The following EFCAB13 variants were observed in gnomAD, a reference collection of about 807,000 sequenced individuals.
The protein encoded by EFCAB13 is EF-hand calcium binding domain 13.
EFCAB13 carries 91 observed loss-of-function variants against 110.2 expected under a neutral mutation model. The ratio of observed to expected loss-of-function variants is 0.83; its 90% confidence interval spans 0.70 to 0.98. The LOEUF (loss-of-function observed/expected upper bound fraction) is 0.98, where lower values mean the gene tolerates loss of function less well. Ranked by LOEUF, EFCAB13 falls within the 50% of genes least tolerant of loss-of-function variation. The pLI, the probability that EFCAB13 is intolerant of heterozygous loss-of-function variation, is 0.00. For missense variants in EFCAB13, 968 were observed against 1,119.4 expected (o/e 0.86, Z 1.93); for synonymous variants, 323 against 369.9 (o/e 0.87, Z 1.45).
chr17:47,372,605 T>C (rs1197762067), intron 11 of EFCAB13, among the ~76,000 whole-genome samples: 4 of 152,172 alleles, frequency 2.6e-5, no homozygotes, highest in Non-Finnish European at 4.4e-5. Context: ...TGAAGAACAC[T>C]TTTTGAAATT....
At chr17:47,378,218 A>G (rs2065627118) in intron 13 of EFCAB13, among the ~76,000 whole-genome samples, 1 of 152,116 alleles carries the variant, frequency 6.6e-6, no homozygotes, top group African/African-American at 2.4e-5. Context: ...TCAGATGGCA[A>G]GACCACAATA....
intron 2 of EFCAB13, among the ~76,000 whole-genome samples, chr17:47,325,948 A>G (rs1238001339): frequency 2.3e-5 from 2 of 87,768 alleles, no homozygotes; most frequent in Non-Finnish European, 4.8e-5. Context: ...ATATATATAT[A>G]TATATATATA....
chr17:47,355,570 A>ATTTTTT (rs71365066), intron 9 of EFCAB13, among the ~76,000 whole-genome samples: 2 of 120,346 alleles, frequency 1.7e-5, no homozygotes, highest in African/African-American at 3.2e-5. Flanking sequence ...GGCTTTGTTC[A>ATTTTTT]TTTTTTTTTT....
At chr17:47,380,179 C>G (rs900704612) in intron 14 of EFCAB13, among the ~76,000 whole-genome samples, 1 of 152,142 alleles carries the variant, frequency 6.6e-6, no homozygotes. Context: ...TTGCTGCACC[C>G]TTCAACCCAT....
rs116287092 is a variant in EFCAB13, at chr17:47,332,077, A to G, written c.31-3119A>G. Among the ~76,000 whole-genome samples the G allele has an allele frequency of 5.4e-3, 824 of 152,220 alleles. 6 individuals are homozygous for G. Among genetic ancestry groups the G allele is most frequent in the African/African-American group, 0.019 (792 of 41,544 alleles). ...AATAAAGTTTCAACTTGTTAGAGTA[A>G]ATACTAACAAGTGCAATAGTTGGAT... On this transcript the variant is annotated intron_variant, in intron 4 of 24. Coordinates refer to ENST00000331493, the MANE Select transcript of EFCAB13 (RefSeq NM_152347.5).
intron 21 of EFCAB13, among the ~76,000 whole-genome samples, chr17:47,410,721 A>G (rs1335926662): frequency 3.3e-5 from 5 of 152,216 alleles, no homozygotes; most frequent in Non-Finnish European, 5.9e-5. Context: ...AGAGGGAGAA[A>G]TGAGTGAGAA....
intron 11 of EFCAB13, 150 bp from the exon 12 acceptor site, chr17:47,374,322 C>A: frequency 1.8e-6 from 1 of 556,006 alleles, no homozygotes; most frequent in Non-Finnish European, 2.9e-6. Flanking sequence ...AATCTTTTGA[C>A]TGTCAGTTCT....
chr17:47,396,829 TAGA>T (rs1391151104), intron 17 of EFCAB13, among the ~76,000 whole-genome samples: 1 of 152,160 alleles, frequency 6.6e-6, no homozygotes, highest in Non-Finnish European at 1.5e-5. Context: ...TGATGAAAAA[TAGA>T]AGGCTAATTT....
intron 21 of EFCAB13, among the ~76,000 whole-genome samples, chr17:47,412,254 G>A (rs2065840066): frequency 2.0e-5 from 3 of 152,272 alleles, no homozygotes; most frequent in African/African-American, 7.2e-5. Context: ...AGTGGAGGCT[G>A]AAATGCAGTT....
intron 22 of EFCAB13, among the ~76,000 whole-genome samples, chr17:47,414,199 T>C (rs1053500659): frequency 6.6e-6 from 1 of 152,124 alleles, no homozygotes; most frequent in African/African-American, 2.4e-5. Context: ...GATTGTCTGC[T>C]GTGTCACATT....
Position 47,426,266 on chromosome 17 carries a change from G to A in EFCAB13, c.2495-3552G>A, listed in dbSNP as rs185954849. 4.7e-4 allele frequency among the ~76,000 whole-genome samples: 71 copies of A among 152,276 alleles called. 1 individual carries two copies. The East Asian group carries it at 0.013, about 28-fold the overall frequency. On this transcript the variant is annotated intron_variant, in intron 23 of 24. Transcript: ENST00000331493. Reference sequence around the variant, plus strand: ...TTCAAAAATTATATCTTTAAGTACTGCTACTTGAATAACTCAGTTAAGGCT... The same window carrying A: ...TTCAAAAATTATATCTTTAAGTACTACTACTTGAATAACTCAGTTAAGGCT...
chr17:47,369,697 G>C (rs942814072), intron 10 of EFCAB13: 2 of 152,202 alleles, frequency 1.3e-5, no homozygotes, highest in Admixed American at 1.3e-4. Context: ...TTATAGATAA[G>C]TAAATTTTCA....
intron 9 of EFCAB13, among the ~76,000 whole-genome samples, chr17:47,360,966 C>G (rs2065509367): frequency 6.6e-6 from 1 of 152,006 alleles, no homozygotes; most frequent in South Asian, 2.1e-4. Context: ...TGATGTGACT[C>G]TAAATATTTT....
At chr17:47,365,565 A>G (rs896765101) in intron 10 of EFCAB13, among the ~76,000 whole-genome samples, 1 of 152,202 alleles carries the variant, frequency 6.6e-6, no homozygotes, top group African/African-American at 2.4e-5. Context: ...CCTAAGAGTG[A>G]GTGAGGATAG....
chr17:47,328,919 TG>T (rs1370791610), intron 4 of EFCAB13: 1 of 152,178 alleles, frequency 6.6e-6, no homozygotes, highest in Non-Finnish European at 1.5e-5. Context: ...AAGGGACTAT[TG>T]AAATTGGAAG....
At chr17:47,357,111 C>T (rs926289746) in intron 9 of EFCAB13, among the ~76,000 whole-genome samples, 5 of 152,128 alleles carry the variant, frequency 3.3e-5, no homozygotes, top group Admixed American at 2.6e-4. Flanking sequence ...AGTTTATTTC[C>T]AGGCAGGCGG....
chr17:47,355,469 T>C (rs1804154627), intron 9 of EFCAB13, among the ~76,000 whole-genome samples: 3 of 152,222 alleles, frequency 2.0e-5, no homozygotes, highest in African/African-American at 7.2e-5. Context: ...CCCTCAAATA[T>C]GTTTTAACAA....
At chr17:47,376,610 T>G (rs1026425921) in intron 12 of EFCAB13, among the ~76,000 whole-genome samples, 2 of 152,194 alleles carry the variant, frequency 1.3e-5, no homozygotes, top group Admixed American at 6.5e-5. Flanking sequence ...TTCACATTCT[T>G]AAGAGTCACA....
rs1314304322 is a variant in EFCAB13, at chr17:47,440,528, T to C, written c.2736T>C (p.Tyr912=). The C allele has an allele frequency of 6.2e-7, 1 of 1,613,070 alleles. No individual in the cohort carries two copies. The highest frequency in any genetic ancestry group is 1.3e-5 in the African/African-American group (1 of 74,910). ...GTAAGTTTTATTTAATATGTACTTA[T>C]TGCCCAGATCTAGAAAGGCAAGCAG... ...AAGKFYLICT[Y]CPDLERQAVV... Residue 912 remains tyrosine, a synonymous_variant, in exon 25 of 25, where the codon TAT becomes TAC. Transcript: ENST00000331493.
Sources: allele counts gnomAD v4.1 joint callset (sites outside exome capture counted in the v4.1 genomes callset), GRCh38; gene constraint gnomAD v4.1.1; transcripts MANE v1.5; gene names NCBI Gene and HGNC (gene_info 2026-07-23, HGNC 2026-07-21).